SNTG1: variants seen among roughly 807,000 people sequenced by gnomAD.
SNTG1 encodes the protein syntrophin gamma 1, also known as gamma-1-syntrophin.
A neutral mutation model predicts 74.7 loss-of-function variants in SNTG1; 39 were observed. The ratio of observed to expected loss-of-function variants is 0.52; its 90% CI spans 0.40 to 0.68. The LOEUF is 0.68. SNTG1 is among the 30% of genes least tolerant of loss of function. The probability of loss-of-function intolerance (pLI) is 0.00; values close to 1 mark genes in which losing one functional copy is unlikely to be tolerated. For synonymous variants in SNTG1, 254 were observed against 217.1 expected (o/e 1.17, Z -1.49); for missense variants, 685 against 609.5 (o/e 1.12, Z -1.30).
chr8:50,530,826 T>C (rs2094260964), intron 10 of SNTG1, among the ~76,000 whole-genome samples: 1 of 152,224 alleles, frequency 6.6e-6, no homozygotes, highest in South Asian at 2.1e-4. Context: ...ACTTGCATTT[T>C]GAGTAAATCG....
At chr8:50,713,639 T>G (rs1367880490) in intron 17 of SNTG1, among the ~76,000 whole-genome samples, 1 of 151,276 alleles carries the variant, frequency 6.6e-6, no homozygotes, top group Non-Finnish European at 1.5e-5. Flanking sequence ...GTTTTCAGTC[T>G]TATATTTAAG....
intron 8 of SNTG1, among the ~76,000 whole-genome samples, chr8:50,502,112 T>C (rs2093964498): frequency 6.6e-6 from 1 of 152,182 alleles, no homozygotes; most frequent in Non-Finnish European, 1.5e-5. Context: ...TTTTAAAAAA[T>C]GTTGAGAGTT....
chr8:50,151,466 T>C (rs1222283996), intron 1 of SNTG1, among the ~76,000 whole-genome samples: 2 of 152,166 alleles, frequency 1.3e-5, no homozygotes, highest in Non-Finnish European at 2.9e-5. Context: ...TGAATGTGTT[T>C]CCTCTTGCTT....
At chr8:49,984,023 T>C (rs1365660435) in intron 1 of SNTG1, among the ~76,000 whole-genome samples, 2 of 152,164 alleles carry the variant, frequency 1.3e-5, no homozygotes, top group Non-Finnish European at 2.9e-5. Flanking sequence ...TACTATCCAT[T>C]ATACTAGTTT....
At chr8:50,467,174 T>C (rs1252011097) in intron 8 of SNTG1, among the ~76,000 whole-genome samples, 1 of 151,976 alleles carries the variant, frequency 6.6e-6, no homozygotes, top group Non-Finnish European at 1.5e-5. Context: ...GTTAATTATG[T>C]TATCACAGAA....
intron 1 of SNTG1, among the ~76,000 whole-genome samples, chr8:49,938,621 TTCTTTCTTTCTTTCTTTC>T (rs1808386516): frequency 1.6e-5 from 2 of 124,272 alleles, no homozygotes; most frequent in Admixed American, 9.0e-5. Context: ...CTTTCTTTCT[TTCTTTCTTTCTTTCTTTC>T]TTTCCTTCCT....
At chr8:50,435,862 T>G (rs2093296323) in intron 4 of SNTG1, among the ~76,000 whole-genome samples, 1 of 152,176 alleles carries the variant, frequency 6.6e-6, no homozygotes, top group East Asian at 1.9e-4. Flanking sequence ...TCAGCAGTTT[T>G]GTATTTGATT....
At chr8:50,144,450 T>A (rs1017339816) in intron 1 of SNTG1, among the ~76,000 whole-genome samples, 1 of 152,152 alleles carries the variant, frequency 6.6e-6, no homozygotes, top group Non-Finnish European at 1.5e-5. Flanking sequence ...GATATTACAA[T>A]GAGGAGGAGC....
chr8:50,416,784 A>T (rs2093019225), intron 4 of SNTG1, among the ~76,000 whole-genome samples: 1 of 152,118 alleles, frequency 6.6e-6, no homozygotes, highest in South Asian at 2.1e-4. Context: ...ATTTAATGCT[A>T]AGATCTGTCC....
At chr8:50,197,855 G>A (rs1193534923) in intron 2 of SNTG1, among the ~76,000 whole-genome samples, 1 of 151,774 alleles carries the variant, frequency 6.6e-6, no homozygotes, top group Non-Finnish European at 1.5e-5. Flanking sequence ...TGGTTTTACT[G>A]GCATATTTAT....
chr8:50,431,554 G>A (rs945672222), intron 4 of SNTG1, among the ~76,000 whole-genome samples: 1 of 152,074 alleles, frequency 6.6e-6, no homozygotes, highest in Non-Finnish European at 1.5e-5. Context: ...AATTATTTGG[G>A]TAAAGACCTA....
chr8:50,297,428 C>T (rs1345375753), intron 2 of SNTG1, among the ~76,000 whole-genome samples: 3 of 152,018 alleles, frequency 2.0e-5, no homozygotes, highest in African/African-American at 7.2e-5. Flanking sequence ...AATTTTTTTT[C>T]TTTTCCTTAT....
At chr8:50,007,178 A>G (rs1284162132) in intron 1 of SNTG1, among the ~76,000 whole-genome samples, 1 of 152,042 alleles carries the variant, frequency 6.6e-6, no homozygotes, top group Non-Finnish European at 1.5e-5. Flanking sequence ...GTGGTATGAG[A>G]CTAGCTGATC....
intron 1 of SNTG1, among the ~76,000 whole-genome samples, chr8:50,005,483 T>A (rs369008474): frequency 4.2e-5 from 6 of 143,538 alleles, no homozygotes; most frequent in East Asian, 2.1e-4. Flanking sequence ...AAAAAAAAAA[T>A]AATTGATCAT....
chr8:50,168,876 A>G (rs1021235882), intron 1 of SNTG1, among the ~76,000 whole-genome samples: 1 of 152,228 alleles, frequency 6.6e-6, no homozygotes, highest in Non-Finnish European at 1.5e-5. Context: ...GCATAACTGC[A>G]GTACCTGATT....
At chr8:50,416,089 C>A (rs1296185378) in intron 4 of SNTG1, among the ~76,000 whole-genome samples, 1 of 152,038 alleles carries the variant, frequency 6.6e-6, no homozygotes, top group African/African-American at 2.4e-5. Flanking sequence ...TAGATTGTAT[C>A]TTTTCTCTCT....
chr8:50,396,550 G>A (rs779621218), intron 3 of SNTG1, among the ~76,000 whole-genome samples: 1 of 152,200 alleles, frequency 6.6e-6, no homozygotes, highest in African/African-American at 2.4e-5. Context: ...CTACAATGCA[G>A]TACAGTATAA....
At chr8:50,635,592 G>T (rs542213250) in intron 13 of SNTG1, among the ~76,000 whole-genome samples, 2 of 152,130 alleles carry the variant, frequency 1.3e-5, no homozygotes, top group Non-Finnish European at 2.9e-5. Context: ...CACAGGGAGT[G>T]CTTCCAGGCA....
intron 12 of SNTG1, among the ~76,000 whole-genome samples, 174 bp downstream of exon 12, chr8:50,553,353 A>T (rs899327524): frequency 1.3e-5 from 2 of 152,182 alleles, no homozygotes; most frequent in Admixed American, 6.6e-5. Context: ...CCAATTTATG[A>T]GTTCAATAAT....
Sources: allele counts gnomAD v4.1 joint callset (sites outside exome capture counted in the v4.1 genomes callset), GRCh38; gene constraint gnomAD v4.1.1; transcripts MANE v1.5; gene names NCBI Gene and HGNC (gene_info 2026-07-23, HGNC 2026-07-21).